Variants in PEBP4 observed in about 807,000 individuals in gnomAD.
PEBP4 encodes the protein phosphatidylethanolamine binding protein 4, also known as phosphatidylethanolamine-binding protein 4.
PEBP4 carries 22 observed loss-of-function variants against 23.9 expected under a neutral mutation model. The observed-to-expected ratio is 0.92, with a 90% CI of 0.66 to 1.31. The LOEUF is 1.31. Ranked by LOEUF, PEBP4 falls within the 40% of genes most tolerant of loss-of-function variation. PEBP4 has a pLI of 0.00. For synonymous variants in PEBP4, 112 were observed against 99.3 expected (o/e 1.13, Z -0.76); for missense variants, 324 against 281.7 (o/e 1.15, Z -1.07).
At chr8:22,883,259 G>C (rs1808301490) in intron 3 of PEBP4, among the ~76,000 whole-genome samples, 1 of 152,174 alleles carries the variant, frequency 6.6e-6, no homozygotes, top group Non-Finnish European at 1.5e-5. Context: ...AACACTTTCT[G>C]ATGTGAGAAC....
intron 4 of PEBP4, among the ~76,000 whole-genome samples, chr8:22,785,022 G>C (rs1563215283): frequency 6.6e-6 from 1 of 152,328 alleles, no homozygotes; most frequent in Admixed American, 6.5e-5. Flanking sequence ...CATGTGAGCT[G>C]TGTCCAGGCC....
chr8:22,855,192 C>T lies in PEBP4; in HGVS notation c.259-37457G>A, dbSNP rs141714742. Among the ~76,000 whole-genome samples, 387 of 152,262 alleles carry T rather than the reference C, an allele frequency of 2.5e-3. 1 individual carries two copies. Among genetic ancestry groups the T allele is most frequent in the South Asian group, 4.6e-3 (22 of 4,822 alleles). On this transcript the variant is annotated intron_variant, in intron 3 of 6. Transcript: ENST00000256404. ...AAGATCAACTCCTCCTCTCTCTCTG[C>T]GCTTCTCCCACCTGTAATTGCCTGG...
chr8:22,805,913 G>T (rs1161410995), intron 4 of PEBP4, among the ~76,000 whole-genome samples: 1 of 146,698 alleles, frequency 6.8e-6, no homozygotes, highest in Non-Finnish European at 1.5e-5. Context: ...TGAATGAGGG[G>T]TCTGATAGAT....
intron 4 of PEBP4, among the ~76,000 whole-genome samples, chr8:22,732,834 A>C (rs1438271785): frequency 6.6e-6 from 1 of 151,998 alleles, no homozygotes; most frequent in African/African-American, 2.4e-5. Context: ...AGAACATGAG[A>C]TTTCCTTTCC....
intron 3 of PEBP4, among the ~76,000 whole-genome samples, chr8:22,892,526 G>A (rs1377660436): frequency 1.3e-5 from 2 of 152,106 alleles, no homozygotes; most frequent in East Asian, 1.9e-4. Context: ...CTAGTTTTCT[G>A]CTTAAAAAAA....
chr8:22,837,236 C>T (rs531923730), intron 3 of PEBP4, among the ~76,000 whole-genome samples: 7 of 152,322 alleles, frequency 4.6e-5, no homozygotes, highest in Non-Finnish European at 8.8e-5. Context: ...GCCTTCTAAC[C>T]TCTAAACCTC....
At chr8:22,766,908 T>C (rs536553928) in intron 4 of PEBP4, among the ~76,000 whole-genome samples, 50 of 152,220 alleles carry the variant, frequency 3.3e-4, no homozygotes, top group Non-Finnish European at 5.9e-4. Flanking sequence ...CTAACAGCCA[T>C]GTGGCCTTAG....
chr8:22,925,757 G>A (rs968616687), intron 2 of PEBP4, among the ~76,000 whole-genome samples: 4 of 152,234 alleles, frequency 2.6e-5, no homozygotes, highest in African/African-American at 9.6e-5. Flanking sequence ...TCCTTAAGGG[G>A]CCCTTATTGT....
chr8:22,896,628 T>C, intron 3 of PEBP4, among the ~76,000 whole-genome samples: 1 of 152,226 alleles, frequency 6.6e-6, no homozygotes, highest in East Asian at 1.9e-4. Context: ...TCTTTATTAC[T>C]GTTCAAGCTA....
At chr8:22,793,402 G>C (rs947588906) in intron 4 of PEBP4, among the ~76,000 whole-genome samples, 28 of 151,430 alleles carry the variant, frequency 1.8e-4, no homozygotes, top group African/African-American at 6.6e-4. Flanking sequence ...ATGTAGCTGG[G>C]ATTACAGGCA....
chr8:22,929,123 T>C (rs1454816613), upstream of PEBP4, among the ~76,000 whole-genome samples: 1 of 152,220 alleles, frequency 6.6e-6, no homozygotes, highest in Non-Finnish European at 1.5e-5. Flanking sequence ...TCAACCAGGT[T>C]AAGCCCTCAG....
intron 2 of PEBP4, chr8:22,925,338 G>A: frequency 2.0e-6 from 2 of 985,324 alleles, no homozygotes; most frequent in Non-Finnish European, 2.4e-6. Flanking sequence ...CCCTGAACCT[G>A]GGGTGAAGGT....
chr8:22,843,906 C>T (rs1032264884), intron 3 of PEBP4, among the ~76,000 whole-genome samples: 1 of 152,202 alleles, frequency 6.6e-6, no homozygotes, highest in Non-Finnish European at 1.5e-5. Context: ...TCTGAAGCAA[C>T]ATTTCTAACA....
intron 4 of PEBP4, among the ~76,000 whole-genome samples, chr8:22,786,995 A>AT (rs1167742245): frequency 3.3e-5 from 5 of 151,552 alleles, no homozygotes; most frequent in African/African-American, 7.3e-5. Flanking sequence ...TTATTAAAAA[A>AT]TTTTTTTTGT....
chr8:22,806,190 T>A (rs1053687582), intron 4 of PEBP4, among the ~76,000 whole-genome samples: 2 of 152,226 alleles, frequency 1.3e-5, no homozygotes, highest in African/African-American at 4.8e-5. Flanking sequence ...GATTAATACC[T>A]ATTAAATTTA....
intron 3 of PEBP4, among the ~76,000 whole-genome samples, chr8:22,845,307 G>A (rs1171667187): frequency 6.6e-6 from 1 of 151,618 alleles, no homozygotes; most frequent in Non-Finnish European, 1.5e-5. Flanking sequence ...GCCAAGGCAG[G>A]AGGATCACTT....
chr8:22,873,440 A>T (rs371041971), intron 3 of PEBP4, among the ~76,000 whole-genome samples: 3 of 152,004 alleles, frequency 2.0e-5, no homozygotes, highest in South Asian at 4.2e-4. Context: ...CCTGGGCAAC[A>T]TACTGAGATA....
intron 3 of PEBP4, among the ~76,000 whole-genome samples, chr8:22,832,214 T>C (rs1807098086): frequency 1.3e-5 from 2 of 152,166 alleles, no homozygotes; most frequent in African/African-American, 4.8e-5. Flanking sequence ...CCAAAATGCA[T>C]GTGTGGAAGC....
At chr8:22,735,877 A>G (rs1413912293) in intron 4 of PEBP4, among the ~76,000 whole-genome samples, 2 of 152,262 alleles carry the variant, frequency 1.3e-5, no homozygotes, top group East Asian at 3.8e-4. Context: ...TTCAGGTAAT[A>G]AAAGGGCTAC....
Sources: gnomAD v4.1 joint callset for allele counts (sites outside exome capture counted in the v4.1 genomes callset) on GRCh38, gnomAD v4.1.1 for gene constraint, MANE v1.5 for transcripts, NCBI Gene and HGNC (gene_info 2026-07-23, HGNC 2026-07-21) for gene names.